The following PC variants were observed in gnomAD, a reference collection of about 807,000 sequenced individuals.
PC encodes the protein pyruvate carboxylase, mitochondrial.
PC carries 46 observed loss-of-function variants against 107.8 expected under a neutral mutation model. The ratio of observed to expected loss-of-function variants is 0.43; its 90% CI spans 0.34 to 0.55. PC has a LOEUF of 0.55. Ranked by LOEUF, PC falls within the 20% of genes least tolerant of loss-of-function variation. The pLI is 0.04. For missense variants in PC, 1,241 were observed against 1,643.1 expected, an observed-to-expected ratio of 0.76 and a Z score of 4.23; for synonymous variants, 662 against 684.7, an observed-to-expected ratio of 0.97 and a Z score of 0.52.
At chr11:66,953,552 C>G (rs1369861145) in intron 2 of PC, among the ~76,000 whole-genome samples, 10 of 152,136 alleles carry the variant, frequency 6.6e-5, no homozygotes, top group Admixed American at 2.0e-4. Context: ...AGTCAATGAA[C>G]AGCAAAATGG....
rs548106211 is a variant in PC at position 66,884,668 on chromosome 11, T to C, written c.1-12509A>G. Among the ~76,000 whole-genome samples the C allele has an allele frequency of 1.5e-3, 230 of 152,262 alleles. 1 individual carries two copies. Among genetic ancestry groups the C allele is most frequent in the Non-Finnish European group, 2.7e-3 (186 of 68,014 alleles). On this transcript the variant is annotated intron_variant, in intron 3 of 22. Coordinates refer to ENST00000393960, the MANE Select transcript of PC (RefSeq NM_001040716.2). ...TGCCTGTGCCCCCCACACCCATATGTTGAAACCTTGATCTTGGACTTCCAG... is the reference window on the plus strand; with the variant it reads ...TGCCTGTGCCCCCCACACCCATATGCTGAAACCTTGATCTTGGACTTCCAG...
chr11:66,886,045 G>T (rs1565261574), intron 3 of PC, among the ~76,000 whole-genome samples: 3 of 152,230 alleles, frequency 2.0e-5, no homozygotes, highest in Non-Finnish European at 2.9e-5. Context: ...TGATCAGCTG[G>T]CTGGGGCAGG....
At chr11:66,916,149 C>G (rs1948457710) in intron 3 of PC, among the ~76,000 whole-genome samples, 1 of 152,252 alleles carries the variant, frequency 6.6e-6, no homozygotes, top group Non-Finnish European at 1.5e-5. Flanking sequence ...ACTCACCACA[C>G]TTGGCCCAGC....
chr11:66,860,784 G>A (rs112380440), intron 12 of PC: 106 of 691,642 alleles, frequency 1.5e-4, no homozygotes, highest in African/African-American at 1.5e-3. Context: ...TGGGGAGCAC[G>A]TGTGAGCGCC....
At chr11:66,950,133 A>G (rs1949402952) in intron 3 of PC, among the ~76,000 whole-genome samples, 1 of 152,212 alleles carries the variant, frequency 6.6e-6, no homozygotes, top group African/African-American at 2.4e-5. Context: ...GTGATGTGCA[A>G]ACGTAATAAA....
At chr11:66,868,740 T>C (rs573449255) in intron 10 of PC, 106 bp downstream of exon 10, 15 of 815,272 alleles carry the variant, frequency 1.8e-5, no homozygotes, top group Non-Finnish European at 3.3e-5. Flanking sequence ...TCCACCAATG[T>C]GGGGAGTGAG....
At chr11:66,951,827 T>G (rs1591321476) in intron 3 of PC, among the ~76,000 whole-genome samples, 1 of 151,592 alleles carries the variant, frequency 6.6e-6, no homozygotes, top group East Asian at 1.9e-4. Flanking sequence ...GAGGCAGAGG[T>G]TGCAGTAAGC....
intron 12 of PC, chr11:66,859,197 A>C: frequency 7.5e-7 from 1 of 1,327,810 alleles, no homozygotes; most frequent in Non-Finnish European, 1.0e-6. Context: ...TGGGGCTGAC[A>C]CCCCCTCCCC....
chr11:66,885,008 C>T (rs1210851122), intron 3 of PC, among the ~76,000 whole-genome samples: 2 of 152,168 alleles, frequency 1.3e-5, no homozygotes. Context: ...CCACTCAATT[C>T]CCCTCGTTCC....
chr11:66,851,545 C>G (rs371233837), intron 16 of PC, among the ~76,000 whole-genome samples: 4 of 152,200 alleles, frequency 2.6e-5, no homozygotes, highest in Non-Finnish European at 5.9e-5. Context: ...AGCCCTGCAC[C>G]GAGTGACCCA....
At chr11:66,899,073 T>A (rs1270072972) in intron 3 of PC, among the ~76,000 whole-genome samples, 1 of 152,150 alleles carries the variant, frequency 6.6e-6, no homozygotes, top group Non-Finnish European at 1.5e-5. Context: ...TTTCTCCATA[T>A]TGGTCAGGCT....
intron 3 of PC, among the ~76,000 whole-genome samples, chr11:66,919,132 C>T (rs1265911368): frequency 6.6e-6 from 1 of 152,138 alleles, no homozygotes; most frequent in Non-Finnish European, 1.5e-5. Flanking sequence ...ATTCTCTCTT[C>T]AAGCCAGGTG....
intron 3 of PC, among the ~76,000 whole-genome samples, chr11:66,887,790 G>A (rs1947426745): frequency 6.6e-6 from 1 of 152,250 alleles, no homozygotes; most frequent in Admixed American, 6.5e-5. Flanking sequence ...AGAAAGATCA[G>A]TTTGGGATGC....
At chr11:66,932,145 T>G (rs1165266039) in intron 3 of PC, among the ~76,000 whole-genome samples, 3 of 151,668 alleles carry the variant, frequency 2.0e-5, no homozygotes, top group African/African-American at 7.3e-5. Context: ...GGGGACTGGG[T>G]TACTGGGGAG....
chr11:66,850,612 C>A, intron 18 of PC, 62 bp downstream of exon 18: 3 of 1,602,006 alleles, frequency 1.9e-6, no homozygotes, highest in Non-Finnish European at 1.7e-6. Context: ...TCCAACACTA[C>A]TGGGACTGGT....
chr11:66,906,884 G>A (rs185244880), intron 3 of PC, among the ~76,000 whole-genome samples: 3 of 152,286 alleles, frequency 2.0e-5, no homozygotes, highest in South Asian at 2.1e-4. Context: ...CCCAAAATAC[G>A]GGTAGTAACA....
intron 3 of PC, among the ~76,000 whole-genome samples, chr11:66,938,832 T>C (rs1949058525): frequency 6.6e-6 from 1 of 152,206 alleles, no homozygotes; most frequent in South Asian, 2.1e-4. Context: ...AGAACAGACT[T>C]CATATGTAGC....
In PC at chr11:66,849,073, T is replaced by TATCA. The variant is rs1555013840; in HGVS notation, c.3359_3362dup (p.Ile1123ArgfsTer50). ...TGGCCCCTGCCACCACTTTGATGTC[T>TATCA]ATCACCTTCCCAGGCATGGGCGCCC... On this transcript the variant is annotated frameshift_variant, in exon 23 of 23. Transcript: ENST00000393960. LOFTEE classifies it high-confidence loss of function. 1 of 1,614,120 alleles carries TATCA rather than the reference T, an allele frequency of 6.2e-7. No individual in the cohort carries two copies. The highest frequency in any genetic ancestry group is 8.5e-7 in the Non-Finnish European group (1 of 1,180,038).
chr11:66,875,934 C>T (rs980162971), intron 3 of PC, among the ~76,000 whole-genome samples: 1 of 152,122 alleles, frequency 6.6e-6, no homozygotes, highest in African/African-American at 2.4e-5. Context: ...CTGCCGTGCA[C>T]GGCCTGAATT....
Sources: allele counts gnomAD v4.1 joint callset (sites outside exome capture counted in the v4.1 genomes callset), GRCh38; gene constraint gnomAD v4.1.1; transcripts MANE v1.5; gene names NCBI Gene and HGNC (gene_info 2026-07-23, HGNC 2026-07-21).